The following MYOCD variants were observed in gnomAD, a reference collection of about 807,000 sequenced individuals.
MYOCD encodes the protein myocardin.
In MYOCD, 32 loss-of-function variants were observed where a neutral mutation model predicts 96.1. That is an observed-to-expected ratio of 0.33 (90% CI 0.25 to 0.45). MYOCD has a LOEUF of 0.45. Among genes scored for constraint, MYOCD ranks in the 20% least tolerant of loss-of-function variants. MYOCD has a pLI of 1.00. For synonymous variants in MYOCD, 469 were observed against 469.0 expected (o/e 1.00, Z 0.00); for missense variants, 1,133 against 1,200.6 (o/e 0.94, Z 0.83).
At chr17:12,737,083 C>T (rs2032368334) in intron 6 of MYOCD, among the ~76,000 whole-genome samples, 2 of 152,044 alleles carry the variant, frequency 1.3e-5, no homozygotes, top group East Asian at 1.9e-4. Context: ...GGTGAAACCC[C>T]GTCTCTACTA....
At chr17:12,737,463 A>T (rs2032380423) in intron 6 of MYOCD, among the ~76,000 whole-genome samples, 1 of 152,162 alleles carries the variant, frequency 6.6e-6, no homozygotes, top group African/African-American at 2.4e-5. Flanking sequence ...GGTGGGCTCT[A>T]GAAGTATGGC....
rs547935228 is a variant in MYOCD, at chr17:12,666,255, G to A, written c.55+12G>A. 193 of 1,591,112 alleles carry A rather than the reference G, an allele frequency of 1.2e-4. 3 individuals are homozygous for A. In the South Asian group the frequency reaches 2.0e-3, roughly 17 times the overall value. On this transcript the variant is annotated intron_variant, in intron 1 of 13. Coordinates refer to ENST00000425538, the MANE Select transcript of MYOCD (RefSeq NM_001146312.3). ...CAAGTTCAGATCAGGTAGGGCTAAG[G>A]CATTTAGCATTCCTTCTTAAACTTT...
Position 12,722,853 on chromosome 17 carries a change from C to T in MYOCD, c.260C>T (p.Thr87Ile), listed in dbSNP as rs1243908202. The part of the protein sequence containing the change: ...LVNMHILQAS[T>I]AERSIPTAQM... ...TTTCATTTCAACCCTTTAGCTTCCA[C>T]TGCAGAGAGGTCCATTCCAACTGCT... Residue 87 changes from threonine to isoleucine, a missense_variant, in exon 5 of 14, where the codon ACT becomes ATT. Thr to Ile is a moderately conservative substitution (Grantham distance 89). Coordinates refer to ENST00000425538, the MANE Select transcript of MYOCD (RefSeq NM_001146312.3). The T allele has an allele frequency of 9.9e-6, 16 of 1,612,162 alleles. 1 individual carries two copies. The South Asian group carries it at 1.5e-4, about 16-fold the overall frequency.
At position 12,767,101 on chromosome 17, in the gene MYOCD, A is replaced by G. The variant is rs976233808; in HGVS notation, c.*3457A>G. 6.6e-6 allele frequency: 1 copy of G among 152,116 alleles called. No homozygotes were observed. The highest frequency in any genetic ancestry group is 6.6e-5 in the Admixed American group (1 of 15,250). The allele number at this position is 152,116 out of a possible 1,614,324, so 9.4% of individuals were successfully genotyped here. ...AAAGGAGGGAAGGAAAAAAGGGCCA[A>G]ACTTTCTGATCTATGAACTTCTCAG... On this transcript the variant is annotated 3_prime_UTR_variant, in exon 14 of 14. Coordinates refer to ENST00000425538, the MANE Select transcript of MYOCD (RefSeq NM_001146312.3).
At chr17:12,705,021 A>T in intron 1 of MYOCD, 107 bp from the exon 2 acceptor site, 1 of 704,570 alleles carries the variant, frequency 1.4e-6, no homozygotes, top group Non-Finnish European at 2.4e-6. Flanking sequence ...AATAATTTAC[A>T]GAACTCTTTT....
intron 5 of MYOCD, among the ~76,000 whole-genome samples, chr17:12,724,451 A>G (rs1167296591): frequency 6.6e-6 from 1 of 152,140 alleles, no homozygotes; most frequent in Non-Finnish European, 1.5e-5. Context: ...ATAGGGAAAA[A>G]ATGCTAATCC....
rs1338828041 is a variant in MYOCD, at chr17:12,768,137, A to G, written c.*4493A>G. 1.3e-5 allele frequency: 2 copies of G among 152,186 alleles called. No homozygotes were observed. Among genetic ancestry groups the G allele is most frequent in the Non-Finnish European group, 2.9e-5 (2 of 68,040 alleles). 9.4% of individuals were successfully genotyped at this position (152,186 alleles called of 1,614,324 possible). A position where few individuals can be genotyped will look rare whatever the true frequency, so the allele number is the denominator to read the frequency against. The stretch of plus-strand genomic sequence containing the variant: ...AGGTTGGTTCAGGGTCAAAATTGCC[A>G]GTGCTTTATTAGACAGATGATACTG... On this transcript the variant is annotated 3_prime_UTR_variant, in exon 14 of 14. Coordinates refer to ENST00000425538, the MANE Select transcript of MYOCD (RefSeq NM_001146312.3).
intron 6 of MYOCD, among the ~76,000 whole-genome samples, chr17:12,738,498 CACATAT>C (rs910093563): frequency 3.3e-5 from 5 of 151,996 alleles, no homozygotes; most frequent in African/African-American, 4.8e-5. Flanking sequence ...CACACAAAAC[CACATAT>C]ACATATACAT....
At chr17:12,706,568 T>C (rs540778764) in intron 2 of MYOCD, among the ~76,000 whole-genome samples, 25 of 152,314 alleles carry the variant, frequency 1.6e-4, no homozygotes, top group Non-Finnish European at 2.8e-4. Flanking sequence ...GTTGGACTCA[T>C]GTGCTTAAAT....
intron 1 of MYOCD, 100 bp downstream of exon 1, chr17:12,666,343 C>T (rs768925008): frequency 9.9e-6 from 9 of 906,790 alleles, no homozygotes; most frequent in Non-Finnish European, 1.6e-5. Context: ...CCTGCCAGGT[C>T]TACCTCAACT....
At chr17:12,742,529 G>A (rs1157044711) in intron 7 of MYOCD, among the ~76,000 whole-genome samples, 1 of 151,966 alleles carries the variant, frequency 6.6e-6, no homozygotes, top group Non-Finnish European at 1.5e-5. Flanking sequence ...CATGACATCC[G>A]TGTTCTTCAT....
At chr17:12,707,313 A>G (rs932451606) in intron 2 of MYOCD, among the ~76,000 whole-genome samples, 3 of 152,126 alleles carry the variant, frequency 2.0e-5, no homozygotes, top group African/African-American at 4.8e-5. Context: ...AAACCAGGCT[A>G]TGTACACGGG....
At chr17:12,754,252 A>C (rs922069956) in intron 10 of MYOCD, among the ~76,000 whole-genome samples, 26 of 151,984 alleles carry the variant, frequency 1.7e-4, no homozygotes, top group Non-Finnish European at 1.6e-4. Context: ...CTACAGGCGC[A>C]CACCACCATG....
chr17:12,695,723 TG>T (rs1028360802), intron 1 of MYOCD, among the ~76,000 whole-genome samples: 7 of 152,206 alleles, frequency 4.6e-5, no homozygotes, highest in African/African-American at 1.7e-4. Context: ...ACACATAAAA[TG>T]TACCCTATTA....
In MYOCD at chr17:12,764,815, T is replaced by C. The variant is rs2033291634; in HGVS notation, c.*1171T>C. The C allele has an allele frequency of 6.6e-6, 1 of 152,182 alleles. No individual in the cohort carries two copies. The highest frequency in any genetic ancestry group is 1.5e-5 in the Non-Finnish European group (1 of 68,028). The allele number at this position is 152,182 out of a possible 1,614,324, so 9.4% of individuals were successfully genotyped here. Reference sequence around the variant, plus strand: ...CTGCCATACTCCTAAGAAAGCCATTTTTGAAAAATTTAACAATCCAGGTTC... The same window carrying C: ...CTGCCATACTCCTAAGAAAGCCATTCTTGAAAAATTTAACAATCCAGGTTC... On this transcript the variant is annotated 3_prime_UTR_variant, in exon 14 of 14. Coordinates refer to ENST00000425538, the MANE Select transcript of MYOCD (RefSeq NM_001146312.3).
intron 1 of MYOCD, among the ~76,000 whole-genome samples, chr17:12,670,973 C>A (rs914354361): frequency 2.6e-5 from 4 of 152,184 alleles, no homozygotes; most frequent in Non-Finnish European, 5.9e-5. Flanking sequence ...AGCTCCCATG[C>A]CCTTCCCTCA....
chr17:12,700,936 AATCT>A (rs2031042502), intron 1 of MYOCD, among the ~76,000 whole-genome samples: 1 of 152,094 alleles, frequency 6.6e-6, no homozygotes, highest in African/African-American at 2.4e-5. Flanking sequence ...TATAATAATC[AATCT>A]ATGATTTAAT....
chr17:12,730,879 A>G (rs982089199), intron 5 of MYOCD, among the ~76,000 whole-genome samples: 2 of 152,330 alleles, frequency 1.3e-5, no homozygotes, highest in African/African-American at 4.8e-5. Context: ...CTTCACAGAA[A>G]GGTAACTAGG....
In MYOCD at chr17:12,763,793, G is replaced by C; in HGVS notation, c.*149G>C. 4.3e-6 allele frequency: 3 copies of C among 693,504 alleles called. No individual in the cohort carries two copies. The highest frequency in any genetic ancestry group is 6.9e-6 in the Non-Finnish European group (3 of 437,278). The allele number at this position is 693,504 out of a possible 1,614,324, so 43.0% of individuals were successfully genotyped here. A position where few individuals can be genotyped will look rare whatever the true frequency, so the allele number is the denominator to read the frequency against. On this transcript the variant is annotated 3_prime_UTR_variant, in exon 14 of 14. Transcript: ENST00000425538. ...TCTGTGCCAATGAACAAGAACAAAA[G>C]TCATTTTTAGAAATACATATACTGT...
Sources: allele counts gnomAD v4.1 joint callset (sites outside exome capture counted in the v4.1 genomes callset), GRCh38; gene constraint gnomAD v4.1.1; transcripts MANE v1.5; gene names NCBI Gene and HGNC (gene_info 2026-07-23, HGNC 2026-07-21).